The following CMBL variants were observed in gnomAD, a reference collection of about 807,000 sequenced individuals.
CMBL encodes the protein carboxymethylenebutenolidase homolog.
Under a neutral mutation model 28.7 loss-of-function variants are expected in CMBL, and 17 were observed. That is an observed-to-expected ratio of 0.59 (90% CI 0.41 to 0.89). CMBL has a LOEUF of 0.89. CMBL is among the 40% of genes least tolerant of loss of function. The pLI, the probability that CMBL is intolerant of heterozygous loss-of-function variation, is 0.00. For missense variants in CMBL, 310 were observed against 298.5 expected (o/e 1.04, Z -0.28); for synonymous variants, 106 against 101.6 (o/e 1.04, Z -0.26).
Position 10,280,368 on chromosome 5 carries a change from G to C in CMBL, c.*85C>G, listed in dbSNP as rs1363060683. The C allele has an allele frequency of 4.9e-6, 5 of 1,026,836 alleles. No individual in the cohort carries two copies. The African/African-American group carries it at 7.9e-5, about 16-fold the overall frequency. 63.6% of individuals were successfully genotyped at this position (1,026,836 alleles called of 1,614,324 possible). ...GGATTCCTACACTTATTTTATAAAAGTGAAAATTAAATCAAATGATCTAAC... is the reference window on the plus strand; with the variant it reads ...GGATTCCTACACTTATTTTATAAAACTGAAAATTAAATCAAATGATCTAAC... On this transcript the variant is annotated 3_prime_UTR_variant, in exon 6 of 6. Coordinates refer to ENST00000296658, the MANE Select transcript of CMBL (RefSeq NM_138809.4).
intron 4 of CMBL, among the ~76,000 whole-genome samples, chr5:10,284,187 C>A (rs1223960222): frequency 6.6e-6 from 1 of 152,176 alleles, no homozygotes; most frequent in Non-Finnish European, 1.5e-5. Context: ...GAAGGTGGCG[C>A]CGGGGAGGCA....
intron 1 of CMBL, among the ~76,000 whole-genome samples, chr5:10,306,741 A>G (rs981308422): frequency 1.3e-5 from 2 of 152,182 alleles, no homozygotes; most frequent in Non-Finnish European, 2.9e-5. Context: ...TTCAGCAGCC[A>G]TGCTTGTATT....
intron 4 of CMBL, among the ~76,000 whole-genome samples, chr5:10,284,120 T>C (rs1579470463): frequency 1.3e-5 from 2 of 152,292 alleles, no homozygotes; most frequent in East Asian, 1.9e-4. Context: ...TCTTTTGATA[T>C]CCCTGGGCCT....
At position 10,278,470 on chromosome 5, in the gene CMBL, C is replaced by A. The variant is rs547507947; in HGVS notation, c.*1983G>T. Among the ~76,000 whole-genome samples, 22 of 152,090 alleles carry A rather than the reference C, an allele frequency of 1.4e-4. No homozygotes were observed. Among genetic ancestry groups the A allele is most frequent in the Admixed American group, 2.6e-4 (4 of 15,274 alleles). On this transcript the variant is annotated 3_prime_UTR_variant, in exon 6 of 6. Coordinates refer to ENST00000296658, the MANE Select transcript of CMBL (RefSeq NM_138809.4). ...TCAGTCACAGCGTGAGTCCCCGGGG[C>A]TCATGCCTGCTTGCTCTAAACCCCC...
chr5:10,288,185 T>G lies in CMBL; in HGVS notation c.323+237A>C, dbSNP rs147033664. On this transcript the variant is annotated intron_variant, in intron 3 of 5. Coordinates refer to ENST00000296658, the MANE Select transcript of CMBL (RefSeq NM_138809.4). Reference sequence around the variant, plus strand: ...GGGAGGCTGAGGCAGGAGAATTGCTTGAACCTGGGAAGCACAGGTTGCAGT... The same window carrying G: ...GGGAGGCTGAGGCAGGAGAATTGCTGGAACCTGGGAAGCACAGGTTGCAGT... Among the ~76,000 whole-genome samples, 1,469 of 152,148 alleles carry G rather than the reference T, an allele frequency of 9.7e-3. 30 individuals carry two copies. The highest frequency in any genetic ancestry group is 0.033 in the African/African-American group (1,369 of 41,532).
At chr5:10,285,646 G>A (rs976464235) in intron 4 of CMBL, among the ~76,000 whole-genome samples, 4 of 151,340 alleles carry the variant, frequency 2.6e-5, no homozygotes, top group Non-Finnish European at 4.4e-5. Context: ...TACAGTTAGA[G>A]CAATTTGTAT....
rs922458330 is a variant in CMBL, at chr5:10,286,544, C to A, written c.324-48G>T. On this transcript the variant is annotated intron_variant, in intron 3 of 5. Transcript: ENST00000296658. ...TCAAGAATCAGGCTTATTTTGTGAA[C>A]CCCTCAAAGAGCTGTGCTGATGATA... 10 of 1,569,888 alleles carry A rather than the reference C, an allele frequency of 6.4e-6. No homozygotes were observed. The Admixed American group carries it at 8.6e-5, about 14-fold the overall frequency.
At chr5:10,298,656 G>A (rs1746846857) in intron 1 of CMBL, among the ~76,000 whole-genome samples, 1 of 152,226 alleles carries the variant, frequency 6.6e-6, no homozygotes, top group African/African-American at 2.4e-5. Context: ...ACTCTGGGAG[G>A]CCAAGGCTGG....
At chr5:10,286,293 T>C in intron 4 of CMBL, 61 bp downstream of exon 4, 4 of 1,520,646 alleles carry the variant, frequency 2.6e-6, no homozygotes, top group Non-Finnish European at 3.6e-6. Flanking sequence ...AGGCTTGTGA[T>C]TGTTGTCACT....
chr5:10,285,688 C>CTCTCTCTT (rs1554013422), intron 4 of CMBL, among the ~76,000 whole-genome samples: 79,797 of 143,990 alleles, frequency 0.55, 24,333 homozygotes, highest in Non-Finnish European at 0.7. Context: ...TTCTTTCTTT[C>CTCTCTCTT]TCTTTCTTTT....
intron 1 of CMBL, among the ~76,000 whole-genome samples, chr5:10,303,210 C>G (rs1256544122): frequency 1.3e-5 from 2 of 152,188 alleles, no homozygotes; most frequent in African/African-American, 4.8e-5. Flanking sequence ...TTTGAGTTGT[C>G]CCACCTTTCC....
chr5:10,306,319 C>G (rs1746999645), intron 1 of CMBL, among the ~76,000 whole-genome samples: 1 of 152,080 alleles, frequency 6.6e-6, no homozygotes, highest in Admixed American at 6.5e-5. Context: ...GCAGGGAAGT[C>G]TAGGAATACA....
At chr5:10,304,959 C>A (rs975333561) in intron 1 of CMBL, among the ~76,000 whole-genome samples, 1 of 152,196 alleles carries the variant, frequency 6.6e-6, no homozygotes, top group East Asian at 1.9e-4. Context: ...CACTGAGGCA[C>A]TTTTTACAAA....
intron 4 of CMBL, among the ~76,000 whole-genome samples, chr5:10,285,763 T>A (rs143934970): frequency 0.012 from 1,781 of 149,618 alleles, 46 homozygotes; most frequent in African/African-American, 0.04. Context: ...AGCGGCATGA[T>A]CATGGCTCAC....
At chr5:10,288,672 C>G in intron 2 of CMBL, 143 bp from the exon 3 acceptor site, 1 of 648,160 alleles carries the variant, frequency 1.5e-6, no homozygotes, top group Non-Finnish European at 2.7e-6. Context: ...CAATTTTGAT[C>G]GCAGCAAAGC....
At position 10,278,850 on chromosome 5, in the gene CMBL, G is replaced by A. The variant is rs1031416339; in HGVS notation, c.*1603C>T. ...GTGCCAGGATAAACAAGCTTCCTGCGAGAGGGACACCTGGCCACAGGTTGG... is the reference window on the plus strand; with the variant it reads ...GTGCCAGGATAAACAAGCTTCCTGCAAGAGGGACACCTGGCCACAGGTTGG... On this transcript the variant is annotated 3_prime_UTR_variant, in exon 6 of 6. Coordinates refer to ENST00000296658, the MANE Select transcript of CMBL (RefSeq NM_138809.4). Among the ~76,000 whole-genome samples the A allele has an allele frequency of 4.6e-5, 7 of 151,994 alleles. No homozygotes were observed. The highest frequency in any genetic ancestry group is 7.3e-5 in the African/African-American group (3 of 41,376).
intron 4 of CMBL, among the ~76,000 whole-genome samples, chr5:10,284,952 G>A (rs1035551015): frequency 6.7e-6 from 1 of 150,068 alleles, no homozygotes; most frequent in Non-Finnish European, 1.5e-5. Context: ...TGTATAAATT[G>A]CTATTTCGAT....
At chr5:10,288,952 C>G (rs1359041333) in intron 2 of CMBL, among the ~76,000 whole-genome samples, 2 of 152,222 alleles carry the variant, frequency 1.3e-5, no homozygotes, top group Non-Finnish European at 2.9e-5. Flanking sequence ...GCTAACTTGT[C>G]CAGTCACTAT....
intron 1 of CMBL, among the ~76,000 whole-genome samples, chr5:10,304,777 T>G: frequency 6.6e-6 from 1 of 152,148 alleles, no homozygotes; most frequent in East Asian, 1.9e-4. Context: ...ACATGTTTTT[T>G]TTTTAACTTT....
Sources: allele counts gnomAD v4.1 joint callset (sites outside exome capture counted in the v4.1 genomes callset), GRCh38; gene constraint gnomAD v4.1.1; transcripts MANE v1.5; gene names NCBI Gene and HGNC (gene_info 2026-07-23, HGNC 2026-07-21).